LRIG2: variants seen among roughly 807,000 people sequenced by gnomAD.
The protein encoded by LRIG2 is leucine-rich repeats and immunoglobulin-like domains protein 2.
In LRIG2, 93 loss-of-function variants were observed where a neutral mutation model predicts 107.8. That is an observed-to-expected ratio of 0.86 (90% confidence interval 0.73 to 1.03). The LOEUF is 1.03. LRIG2 is among the 50% of genes least tolerant of loss of function. The pLI is 0.00. For missense variants in LRIG2, 1,226 were observed against 1,296.0 expected (o/e 0.95, Z 0.83); for synonymous variants, 471 against 470.6 (o/e 1.00, Z -0.01).
chr1:113,094,671 C>A lies in LRIG2; in HGVS notation c.719C>A (p.Ser240Tyr), dbSNP rs1369270950. Reference sequence around the variant, plus strand: ...GGTCTTACATTCCAAGGGCTTGACTCCTTAAGATCTTTGAAAATGCAGCGG... The same window carrying A: ...GGTCTTACATTCCAAGGGCTTGACTACTTAAGATCTTTGAAAATGCAGCGG... ...VEGLTFQGLD[S>Y]LRSLKMQRNG... Residue 240 changes from serine (S) to tyrosine (Y), a missense_variant, in exon 6 of 18, where the codon TCC (serine) becomes TAC (tyrosine). Physicochemically the swap from Ser to Tyr is moderately radical, Grantham distance 144. This residue lies in a region of LRIG2 where 570 missense variants were observed against 550.2 expected (regional missense o/e 1.04). Transcript: ENST00000361127. The A allele has an allele frequency of 6.2e-7, 1 of 1,613,890 alleles. No homozygotes were observed. Among genetic ancestry groups the A allele is most frequent in the Admixed American group, 1.7e-5 (1 of 60,008 alleles).
intron 1 of LRIG2, 127 bp downstream of exon 1, chr1:113,073,772 C>T (rs1027214998): frequency 1.2e-6 from 1 of 848,766 alleles, no homozygotes; most frequent in Non-Finnish European, 1.8e-6. Flanking sequence ...AGGAAACTGC[C>T]GTCAGGATTT....
intron 1 of LRIG2, among the ~76,000 whole-genome samples, chr1:113,087,629 G>C (rs981298719): frequency 6.6e-6 from 1 of 152,164 alleles, no homozygotes; most frequent in Non-Finnish European, 1.5e-5. Context: ...GATTACAGGT[G>C]TGAGCCACTG....
rs1387227022 is a variant in LRIG2, at chr1:113,073,312, CAG to C, written c.-94_-93del. On this transcript the variant is annotated 5_prime_UTR_variant, in exon 1 of 18. An upstream open reading frame in the 5' UTR gains an earlier in-frame stop. Transcript: ENST00000361127. ...AGCCTTCAGCCGGGGCTTCGGGAGA[CAG>C]TGCAGCCACCGAGCATCTCTGCTGA... 1.0e-6 allele frequency: 1 copy of C among 999,188 alleles called. No individual in the cohort carries two copies. Among genetic ancestry groups the C allele is most frequent in the Non-Finnish European group, 1.5e-6 (1 of 646,488 alleles). 61.9% of individuals were successfully genotyped at this position (999,188 alleles called of 1,614,324 possible).
At chr1:113,118,249 C>G (rs1473696675) in intron 16 of LRIG2, among the ~76,000 whole-genome samples, 1 of 152,174 alleles carries the variant, frequency 6.6e-6, no homozygotes, top group Non-Finnish European at 1.5e-5. Context: ...GTAACTCACT[C>G]TTTATTTCTC....
chr1:113,079,346 TAAAAAAA>T (rs141538883), intron 1 of LRIG2, among the ~76,000 whole-genome samples: 1 of 123,160 alleles, frequency 8.1e-6, no homozygotes, highest in African/African-American at 3.2e-5. Context: ...AGATCCTATT[TAAAAAAA>T]AAAAAAAAAA....
chr1:113,085,964 C>A (rs1653528695), intron 1 of LRIG2, among the ~76,000 whole-genome samples: 1 of 146,594 alleles, frequency 6.8e-6, no homozygotes, highest in Non-Finnish European at 1.5e-5. Flanking sequence ...CACGTTAAAT[C>A]ACAATATGGT....
Position 113,093,345 on chromosome 1 carries a change from C to G in LRIG2, c.380+65C>G, listed in dbSNP as rs552249828. 2,177 of 1,550,082 alleles carry G rather than the reference C, an allele frequency of 1.4e-3. 6 individuals are homozygous for G. Among genetic ancestry groups the G allele is most frequent in the Non-Finnish European group, 1.8e-3 (2,087 of 1,139,690 alleles). On this transcript the variant is annotated intron_variant, in intron 3 of 17. Transcript: ENST00000361127. The stretch of plus-strand genomic sequence containing the variant: ...AAAAGTATACATTTTTTTTTTAAAG[C>G]ACATATATTGTTGATTCTAATTAAC...
chr1:113,100,555 G>A, intron 11 of LRIG2, 67 bp downstream of exon 11: 1 of 913,496 alleles, frequency 1.1e-6, no homozygotes, highest in Non-Finnish European at 1.7e-6. Context: ...CTTAAAGTGT[G>A]ATGGGAGTGA....
intron 11 of LRIG2, 74 bp from the exon 12 acceptor site, chr1:113,107,520 T>C: frequency 3.7e-6 from 5 of 1,365,780 alleles, no homozygotes; most frequent in Non-Finnish European, 5.0e-6. Context: ...AGGTGTGTGG[T>C]AAGGTTTTAA....
chr1:113,124,225 C>T lies in LRIG2; in HGVS notation c.*124C>T, dbSNP rs999632877. The stretch of plus-strand genomic sequence containing the variant: ...ACTCTTTCTTTATGATTGCATCTGA[C>T]CGCACCAAGGTGGGCCATGCGTTGT... On this transcript the variant is annotated 3_prime_UTR_variant, in exon 18 of 18. Transcript: ENST00000361127. 1 of 837,352 alleles carries T rather than the reference C, an allele frequency of 1.2e-6. No homozygotes were observed. Among genetic ancestry groups the T allele is most frequent in the East Asian group, 2.6e-5 (1 of 37,862 alleles). 51.9% of individuals were successfully genotyped at this position (837,352 alleles called of 1,614,324 possible). A position where few individuals can be genotyped will look rare whatever the true frequency, so the allele number is the denominator to read the frequency against.
chr1:113,085,866 C>G (rs1195520203), intron 1 of LRIG2, among the ~76,000 whole-genome samples: 1 of 152,128 alleles, frequency 6.6e-6, no homozygotes, highest in East Asian at 1.9e-4. Flanking sequence ...AGAGGGAAAG[C>G]CAACTTACAA....
intron 15 of LRIG2, among the ~76,000 whole-genome samples, chr1:113,115,832 T>C (rs1261114318): frequency 2.6e-5 from 4 of 152,188 alleles, no homozygotes; most frequent in Admixed American, 1.3e-4. Context: ...GGCCAAACTT[T>C]ACTTCTAAAA....
chr1:113,110,007 TTC>T (rs1289862672), intron 12 of LRIG2, among the ~76,000 whole-genome samples: 2 of 152,050 alleles, frequency 1.3e-5, no homozygotes, highest in Non-Finnish European at 2.9e-5. Flanking sequence ...GAAACCTGAG[TTC>T]CAATCCAGGC....
At chr1:113,083,218 CT>C (rs11321902) in intron 1 of LRIG2, among the ~76,000 whole-genome samples, 88,922 of 112,260 alleles carry the variant, frequency 0.79, 37,657 homozygotes, top group South Asian at 0.96. Context: ...CTACTGCACA[CT>C]TTTTTTTTTT....
At chr1:113,076,903 A>G (rs2101011384) in intron 1 of LRIG2, among the ~76,000 whole-genome samples, 2 of 152,260 alleles carry the variant, frequency 1.3e-5, no homozygotes, top group South Asian at 4.1e-4. Flanking sequence ...TTCTGATTAC[A>G]CACACATACA....
At chr1:113,103,985 C>G (rs1654421615) in intron 11 of LRIG2, among the ~76,000 whole-genome samples, 1 of 152,242 alleles carries the variant, frequency 6.6e-6, no homozygotes, top group Non-Finnish European at 1.5e-5. Flanking sequence ...CTAATGGATC[C>G]TACTTCTCCC....
chr1:113,112,609 T>A lies in LRIG2; in HGVS notation c.1929T>A (p.Phe643Leu). ...ISWQKDGGTDFPAARERRMHV... is the reference protein window; with the variant it reads ...ISWQKDGGTDLPAARERRMHV... ...GGCAGAAAGATGGTGGTACTGACTT[T>A]CCTGCGGCTCGAGAAAGACGCATGC... Residue 643 changes from phenylalanine to leucine, a missense_variant, in exon 14 of 18, where the codon TTT becomes TTA. Around this residue, in one of 3 missense-constraint regions of LRIG2, gnomAD observed 642 missense variants for 712.2 expected, o/e 0.90. Coordinates refer to ENST00000361127, the MANE Select transcript of LRIG2 (RefSeq NM_014813.3). The A allele has an allele frequency of 6.2e-7, 1 of 1,614,200 alleles. No homozygotes were observed. The highest frequency in any genetic ancestry group is 8.5e-7 in the Non-Finnish European group (1 of 1,180,036).
chr1:113,095,985 T>C lies in LRIG2; in HGVS notation c.915T>C (p.Asp305=). 1 of 1,614,232 alleles carries C rather than the reference T, an allele frequency of 6.2e-7. No individual in the cohort carries two copies. Among genetic ancestry groups the C allele is most frequent in the Non-Finnish European group, 8.5e-7 (1 of 1,180,032 alleles). Residue 305 remains aspartate (D), a synonymous_variant, in exon 7 of 18, where the codon GAT becomes GAC. Coordinates refer to ENST00000361127, the MANE Select transcript of LRIG2 (RefSeq NM_014813.3). ...SQNAIERISP[D]AWEFCQRLSE... ...ATGCTATTGAAAGAATCAGCCCTGA[T>C]GCATGGGAGTTCTGCCAAAGACTAT...
At chr1:113,098,432 A>G (rs1405268762) in intron 8 of LRIG2, among the ~76,000 whole-genome samples, 1 of 152,228 alleles carries the variant, frequency 6.6e-6, no homozygotes. Context: ...TTTGCTTGGA[A>G]GAGTAATACT....
Sources: gnomAD v4.1 joint callset for allele counts (sites outside exome capture counted in the v4.1 genomes callset) on GRCh38, gnomAD v4.1.1 for gene constraint, gnomAD v4.1.1 regional missense constraint, MANE v1.5 for transcripts, NCBI Gene and HGNC (gene_info 2026-07-23, HGNC 2026-07-21) for gene names.